The following CFAP46 variants were observed in gnomAD, a reference collection of about 807,000 sequenced individuals.
CFAP46 encodes cilia and flagella associated protein 46, also known as cilia- and flagella-associated protein 46.
CFAP46 carries 245 observed loss-of-function variants against 325.7 expected under a neutral mutation model. The observed-to-expected ratio is 0.75, with a 90% CI of 0.68 to 0.84. CFAP46 has a LOEUF of 0.84. Among genes scored for constraint, CFAP46 ranks in the 40% least tolerant of loss-of-function variants. CFAP46 has a pLI of 0.00. For synonymous variants in CFAP46, 1,523 were observed against 1,495.9 expected (o/e 1.02, Z -0.42); for missense variants, 3,346 against 3,543.0 (o/e 0.94, Z 1.41).
intron 44 of CFAP46, among the ~76,000 whole-genome samples, chr10:132,844,530 T>C (rs944097211): frequency 3.9e-5 from 6 of 152,294 alleles, no homozygotes; most frequent in African/African-American, 1.4e-4. Context: ...CTGCACTGAG[T>C]CTGTGCCTGG....
chr10:132,878,545 G>C (rs1306219576), intron 29 of CFAP46, among the ~76,000 whole-genome samples: 1 of 152,252 alleles, frequency 6.6e-6, no homozygotes, highest in Non-Finnish European at 1.5e-5. Context: ...CCCTGGGGGA[G>C]ACTTGCCACT....
Position 132,867,472 on chromosome 10 carries a change from T to C in CFAP46, c.4646A>G (p.Asn1549Ser), listed in dbSNP as rs1470307654. Residue 1549 changes from asparagine (N) to serine (S), a missense_variant, in exon 34 of 58, where the codon AAT becomes AGT. Asn to Ser is a conservative substitution (Grantham distance 46, BLOSUM62 1). Coordinates refer to ENST00000368586, the MANE Select transcript of CFAP46 (RefSeq NM_001200049.3). ...GCTTTCTTCTAATAAAGGCTCCTTA[T>C]TTTTCTCTTTTTTCAACGCGATCTC... ...RKEIALKKEKNKEPLLEESLP... is the reference protein window; with the variant it reads ...RKEIALKKEKSKEPLLEESLP... 2 of 1,550,376 alleles carry C rather than the reference T, an allele frequency of 1.3e-6. No individual in the cohort carries two copies. The highest frequency in any genetic ancestry group is 1.2e-5 in the South Asian group (1 of 84,016).
chr10:132,820,459 G>A (rs1018902399), intron 50 of CFAP46, among the ~76,000 whole-genome samples: 1 of 151,980 alleles, frequency 6.6e-6, no homozygotes, highest in Non-Finnish European at 1.5e-5. Flanking sequence ...TGCTGTGTGA[G>A]CACTGATGTG....
At chr10:132,912,446 TCTCTCTCTCTCTTCAC>T (rs1849560109) in intron 19 of CFAP46, among the ~76,000 whole-genome samples, 193 bp downstream of exon 19, 1 of 52,214 alleles carries the variant, frequency 1.9e-5, no homozygotes, top group Non-Finnish European at 4.2e-5. Flanking sequence ...TCTCCTCTCC[TCTCTCTCTCTCTTCAC>T]CTCTCTCTCT....
rs1848704455 is a variant in CFAP46, at chr10:132,860,419, G to A, written c.5196C>T (p.Ala1732=). 2.1e-5 allele frequency: 33 copies of A among 1,548,034 alleles called. No homozygotes were observed. Among genetic ancestry groups the A allele is most frequent in the Non-Finnish European group, 2.8e-5 (32 of 1,144,338 alleles). The change falls in exon 37 of 58, where the codon GCC becomes GCT. Residue 1732 remains alanine (A), a splice_region_variant and synonymous_variant. Coordinates refer to ENST00000368586, the MANE Select transcript of CFAP46 (RefSeq NM_001200049.3). ...CAGTGTTTCTTACAAAGAGTTACCTGGCTTCTAGATCTGTGATCATGAATT... is the reference window on the plus strand; with the variant it reads ...CAGTGTTTCTTACAAAGAGTTACCTAGCTTCTAGATCTGTGATCATGAATT... The part of the protein sequence containing the change: ...LLEFMITDLE[A]RCLSLRVRVA...
At position 132,919,027 on chromosome 10, in the gene CFAP46, C is replaced by T. The variant is rs1314236469; in HGVS notation, c.1858+288G>A. Among the ~76,000 whole-genome samples the T allele has an allele frequency of 6.6e-6, 1 of 152,228 alleles. No individual in the cohort carries two copies. Among genetic ancestry groups the T allele is most frequent in the Non-Finnish European group, 1.5e-5 (1 of 68,036 alleles). ...TCTGCCTGCAGGTGCCCCGCATGGG[C>T]ATCTGCTCACTGGCTGTGGTGGCCC... On this transcript the variant is annotated intron_variant, in intron 15 of 57. Coordinates refer to ENST00000368586, the MANE Select transcript of CFAP46 (RefSeq NM_001200049.3). This position sits in a 1 kb window ranked among gnomAD's most constrained non-coding sequence, Gnocchi z 9.7.
chr10:132,919,890 G>C lies in CFAP46; in HGVS notation c.1730+169C>G, dbSNP rs1399116229. Among the ~76,000 whole-genome samples, 1 of 152,174 alleles carries C rather than the reference G, an allele frequency of 6.6e-6. No homozygotes were observed. Among genetic ancestry groups the C allele is most frequent in the African/African-American group, 2.4e-5 (1 of 41,546 alleles). Reference sequence around the variant, plus strand: ...TCACAGGCTGGGGGGTCCCGTCTGTGGCGGGACTCCCAGGCAGGGACCTCG... The same window carrying C: ...TCACAGGCTGGGGGGTCCCGTCTGTCGCGGGACTCCCAGGCAGGGACCTCG... On this transcript the variant is annotated intron_variant, in intron 14 of 57. Transcript: ENST00000368586. The surrounding 1 kb of genome is among the most constrained non-coding windows in gnomAD (Gnocchi z 9.7).
chr10:132,837,390 C>T (rs1848270030), intron 44 of CFAP46, among the ~76,000 whole-genome samples: 3 of 151,748 alleles, frequency 2.0e-5, no homozygotes, highest in Admixed American at 2.0e-4. Flanking sequence ...CACAGATGCA[C>T]GTGTACATGG....
intron 13 of CFAP46, among the ~76,000 whole-genome samples, chr10:132,920,578 G>A (rs142547679): frequency 1.3e-5 from 2 of 152,196 alleles, no homozygotes; most frequent in Non-Finnish European, 2.9e-5. Context: ...TCCGCATGAC[G>A]CCAGATGTTC....
At chr10:132,851,731 G>A (rs536289422) in intron 39 of CFAP46, among the ~76,000 whole-genome samples, 8 of 152,374 alleles carry the variant, frequency 5.3e-5, no homozygotes, top group South Asian at 4.1e-4. Flanking sequence ...CCGTGTGCAC[G>A]CGCCACACCC....
At position 132,920,120 on chromosome 10, in the gene CFAP46, C is replaced by A; in HGVS notation, c.1669G>T (p.Val557Phe). Residue 557 changes from valine (V) to phenylalanine (F), a missense_variant, in exon 14 of 58, where the codon GTC becomes TTC. Coordinates refer to ENST00000368586, the MANE Select transcript of CFAP46 (RefSeq NM_001200049.3). The part of the protein sequence containing the change: ...YLCAKAWHHT[V>F]SVDKAAGHLR... ...TGCCCGGCAGCTTTGTCCACGCTGA[C>A]GGTGTGGTGCCACGCCTTCGCACAG... 3 of 1,549,358 alleles carry A rather than the reference C, an allele frequency of 1.9e-6. No individual in the cohort carries two copies. In the Middle Eastern group the frequency reaches 5.0e-4, roughly 259 times the overall value.
chr10:132,866,727 C>T (rs1848818439), intron 34 of CFAP46, among the ~76,000 whole-genome samples: 1 of 152,218 alleles, frequency 6.6e-6, no homozygotes, highest in Admixed American at 6.5e-5. Context: ...TGTGCTGAGC[C>T]CCTGTCCTGT....
At chr10:132,878,611 G>T (rs1454330138) in intron 29 of CFAP46, among the ~76,000 whole-genome samples, 1 of 152,224 alleles carries the variant, frequency 6.6e-6, no homozygotes, top group Non-Finnish European at 1.5e-5. Flanking sequence ...ATAACATTGA[G>T]CAATTCTCCT....
chr10:132,873,558 G>A lies in CFAP46; in HGVS notation c.4363-734C>T, dbSNP rs148067773. On this transcript the variant is annotated intron_variant, in intron 31 of 57. Transcript: ENST00000368586. The stretch of plus-strand genomic sequence containing the variant: ...GCCCCATGGTGCTCCGCATCGTGCT[G>A]CAGGCTGGGCTTAGAAAACGGGGTT... Among the ~76,000 whole-genome samples, 106 of 152,248 alleles carry A rather than the reference G, an allele frequency of 7.0e-4. 1 individual carries two copies. In the East Asian group the frequency reaches 0.015, roughly 22 times the overall value.
chr10:132,911,843 T>C (rs1041620146), intron 19 of CFAP46, among the ~76,000 whole-genome samples: 1 of 148,340 alleles, frequency 6.7e-6, no homozygotes, highest in Non-Finnish European at 1.5e-5. Context: ...CTGGTTCTAT[T>C]TCCACTCTCC....
chr10:132,887,189 TCTC>T (rs1360497167), intron 25 of CFAP46, among the ~76,000 whole-genome samples: 3 of 82,318 alleles, frequency 3.6e-5, no homozygotes, highest in South Asian at 9.2e-4. Context: ...CTCTTCTCTC[TCTC>T]CTCTCTCCTC....
At chr10:132,900,048 A>G in intron 22 of CFAP46, among the ~76,000 whole-genome samples, 1 of 152,200 alleles carries the variant, frequency 6.6e-6, no homozygotes, top group Non-Finnish European at 1.5e-5. Context: ...GCTGACTCTC[A>G]CAGTAACCTT....
At chr10:132,926,273 G>A (rs1382487445) in intron 10 of CFAP46, among the ~76,000 whole-genome samples, 1 of 152,198 alleles carries the variant, frequency 6.6e-6, no homozygotes, top group Non-Finnish European at 1.5e-5. Context: ...CCACACGGCG[G>A]GGAGGGGGCA....
intron 44 of CFAP46, among the ~76,000 whole-genome samples, chr10:132,837,602 GAC>G (rs77025562): frequency 5.6e-5 from 6 of 107,066 alleles, no homozygotes; most frequent in Non-Finnish European, 5.8e-5. Context: ...GATGCGCACG[GAC>G]ACACGCACAC....
Sources: gnomAD v4.1 joint callset for allele counts (sites outside exome capture counted in the v4.1 genomes callset) on GRCh38, gnomAD v4.1.1 for gene constraint, Gnocchi (gnomAD v3.1) non-coding constraint, MANE v1.5 for transcripts, NCBI Gene and HGNC (gene_info 2026-07-23, HGNC 2026-07-21) for gene names.